The following NLRC3 variants were observed in gnomAD, a reference collection of about 807,000 sequenced individuals.
NLRC3 encodes the protein NLR family CARD domain containing 3.
NLRC3 carries 87 observed loss-of-function variants against 91.6 expected under a neutral mutation model. The observed-to-expected ratio is 0.95, with a 90% CI of 0.80 to 1.14. The LOEUF (loss-of-function observed/expected upper bound fraction) is 1.14, where lower values mean the gene tolerates loss of function less well. Ranked by LOEUF, NLRC3 falls within the 50% of genes most tolerant of loss-of-function variation. The probability of loss-of-function intolerance (pLI) is 0.00; values close to 1 mark genes in which losing one functional copy is unlikely to be tolerated. For missense variants in NLRC3, 1,577 were observed against 1,418.6 expected, an observed-to-expected ratio of 1.11 and a Z score of -1.79; for synonymous variants, 694 against 625.3, an observed-to-expected ratio of 1.11 and a Z score of -1.64.
chr16:3,556,741 G>A (rs915734091), intron 8 of NLRC3, among the ~76,000 whole-genome samples, 170 bp downstream of exon 8: 2 of 152,074 alleles, frequency 1.3e-5, no homozygotes, highest in Non-Finnish European at 2.9e-5. Context: ...GACCTCAAGC[G>A]ATCCACCTGT....
chr16:3,558,065 C>T (rs1567138056), intron 6 of NLRC3, among the ~76,000 whole-genome samples: 1 of 152,170 alleles, frequency 6.6e-6, no homozygotes, highest in Non-Finnish European at 1.5e-5. Context: ...CTGGGCTGTG[C>T]GTGGTGGCTC....
In NLRC3 at chr16:3,563,322, G is replaced by A. The variant is rs1243035522; in HGVS notation, c.1615C>T (p.His539Tyr). 6.3e-7 allele frequency: 1 copy of A among 1,596,644 alleles called. No homozygotes were observed. Among genetic ancestry groups the A allele is most frequent in the Non-Finnish European group, 8.5e-7 (1 of 1,172,850 alleles). Residue 539 changes from histidine to tyrosine, a missense_variant, in exon 5 of 20, where the codon CAC becomes TAC. His to Tyr is a moderately conservative substitution (Grantham distance 83, BLOSUM62 2). Transcript: ENST00000359128. ...LAGSLLAQGE[H>Y]QAYRTQVAEL... is the part of the protein sequence containing the mutation. ...GCCACCTGGGTCCGGTAGGCCTGGT[G>A]CTCGCCTTGGGCCAGCAGGGAGCCG...
At chr16:3,570,128 G>A (rs184612670) in intron 1 of NLRC3, among the ~76,000 whole-genome samples, 33 of 152,068 alleles carry the variant, frequency 2.2e-4, no homozygotes, top group African/African-American at 5.1e-4. Flanking sequence ...ACACCAGTGC[G>A]TGTGCTGTAT....
chr16:3,543,985 C>T (rs1338161428), intron 16 of NLRC3: 2 of 448,938 alleles, frequency 4.5e-6, no homozygotes, highest in South Asian at 2.8e-5. Flanking sequence ...GAAACCCCGT[C>T]TCTACTAAAA....
Position 3,542,706 on chromosome 16 carries a change from A to G in NLRC3, c.3009T>C (p.Ser1003=). The stretch of plus-strand genomic sequence containing the variant: ...CAGCCACTTACTTGAGTCTCCGGAG[A>G]CTTGAGTTTACCTTCAGAGCATTTG... The part of the protein sequence containing the change: ...ALANALKVNS[S]LRRLNLQENS... The change falls in exon 18 of 20, where the codon AGT becomes AGC. Residue 1003 remains serine, a synonymous_variant. Coordinates refer to ENST00000359128, the MANE Select transcript of NLRC3 (RefSeq NM_178844.4). The G allele has an allele frequency of 6.2e-7, 1 of 1,609,172 alleles. No homozygotes were observed. The highest frequency in any genetic ancestry group is 8.5e-7 in the Non-Finnish European group (1 of 1,177,260).
rs1340056338 is a variant in NLRC3 at position 3,563,110 on chromosome 16, C to T, written c.1827G>A (p.Gln609=). The T allele has an allele frequency of 6.3e-7, 1 of 1,579,314 alleles. No homozygotes were observed. The highest frequency in any genetic ancestry group is 1.8e-5 in the Admixed American group (1 of 55,774). The stretch of plus-strand genomic sequence containing the variant: ...CCTCCTGGGCACAGGCGTCGGACAC[C>T]TGCAGGAGGTAGGCCAGGGCAGCGC... The part of the protein sequence containing the change: ...AHRAALAYLL[Q]VSDACAQEAN... Residue 609 remains glutamine (Q), a synonymous_variant, in exon 5 of 20, where the codon CAG becomes CAA. Transcript: ENST00000359128.
Position 3,567,883 on chromosome 16 carries a change from T to C in NLRC3, c.-168-559A>G, listed in dbSNP as rs187092041. Among the ~76,000 whole-genome samples the C allele has an allele frequency of 4.4e-3, 673 of 151,756 alleles. 6 individuals carry two copies. The highest frequency in any genetic ancestry group is 0.015 in the African/African-American group (639 of 41,414). On this transcript the variant is annotated intron_variant, in intron 1 of 19. Coordinates refer to ENST00000359128, the MANE Select transcript of NLRC3 (RefSeq NM_178844.4). ...AGCTTTTTCTTTCTTTCTTTTTTTT[T>C]TGAGACGGAGTCTGCTGTGTTGCCC...
At chr16:3,542,852 G>A (rs1000024548) in intron 17 of NLRC3, 77 bp from the exon 18 acceptor site, 26 of 962,414 alleles carry the variant, frequency 2.7e-5, no homozygotes, top group East Asian at 2.1e-4. Context: ...GGTGGGCTTG[G>A]GGCTGCTTGG....
At chr16:3,542,836 TC>T in intron 17 of NLRC3, 61 bp from the exon 18 acceptor site, 3 of 1,192,152 alleles carry the variant, frequency 2.5e-6, no homozygotes, top group Non-Finnish European at 3.7e-6. Flanking sequence ...TACTGACCCC[TC>T]TGCGGGTGGG....
chr16:3,547,972 A>G (rs1433393300), intron 15 of NLRC3, among the ~76,000 whole-genome samples, 163 bp downstream of exon 15: 1 of 152,224 alleles, frequency 6.6e-6, no homozygotes, highest in Non-Finnish European at 1.5e-5. Flanking sequence ...CACCCGGCCA[A>G]TATATTTAAA....
chr16:3,569,176 T>C (rs906958680), intron 1 of NLRC3, among the ~76,000 whole-genome samples: 3 of 151,708 alleles, frequency 2.0e-5, no homozygotes, highest in African/African-American at 7.3e-5. Context: ...TAGCTGGGTG[T>C]GATGGCGTGT....
rs1390461221 is a variant in NLRC3, at chr16:3,550,396, C to G, written c.2435+18G>C. On this transcript the variant is annotated intron_variant, in intron 11 of 19. Coordinates refer to ENST00000359128, the MANE Select transcript of NLRC3 (RefSeq NM_178844.4). Reference sequence around the variant, plus strand: ...AAGAGAACCCAGGGGGAATCGTCACCCTGGCAGGTGGACTCACTCCAGGCT... The same window carrying G: ...AAGAGAACCCAGGGGGAATCGTCACGCTGGCAGGTGGACTCACTCCAGGCT... 6.4e-7 allele frequency: 1 copy of G among 1,574,612 alleles called. No individual in the cohort carries two copies. The highest frequency in any genetic ancestry group is 1.1e-5 in the South Asian group (1 of 90,322).
chr16:3,565,255 G>A (rs766655110), intron 3 of NLRC3, 64 bp downstream of exon 3: 55 of 694,116 alleles, frequency 7.9e-5, no homozygotes, highest in African/African-American at 7.2e-4. Context: ...ATGATCACAC[G>A]AATGCAGGGG....
At position 3,564,619 on chromosome 16, in the gene NLRC3, G is replaced by A. The variant is rs1421291029; in HGVS notation, c.318C>T (p.Phe106=). The stretch of plus-strand genomic sequence containing the variant: ...CCCCGCGGGTGGCCTCCACCTGTGT[G>A]AAGTCGTGTTCCCTCAGCTGCAGGT... ...LTDLQLREHD[F]TQVEATRGGG... Residue 106 remains phenylalanine, a synonymous_variant, in exon 5 of 20, where the codon TTC becomes TTT. Coordinates refer to ENST00000359128, the MANE Select transcript of NLRC3 (RefSeq NM_178844.4). This position sits in a 1 kb window ranked among gnomAD's most constrained non-coding sequence, Gnocchi z 5.9. The A allele has an allele frequency of 6.2e-7, 1 of 1,609,710 alleles. No individual in the cohort carries two copies. The highest frequency in any genetic ancestry group is 2.2e-5 in the East Asian group (1 of 44,890).
chr16:3,546,530 C>G (rs1481066460), intron 15 of NLRC3, among the ~76,000 whole-genome samples: 1 of 152,166 alleles, frequency 6.6e-6, no homozygotes, highest in African/African-American at 2.4e-5. Context: ...GCACTCCAGC[C>G]TGGGCAACAG....
chr16:3,548,297 G>T, intron 14 of NLRC3, 79 bp from the exon 15 acceptor site: 2 of 1,111,714 alleles, frequency 1.8e-6, no homozygotes, highest in Non-Finnish European at 2.6e-6. Context: ...GGCTCTGATG[G>T]CAGGAGGTGG....
In NLRC3 at chr16:3,550,088, G is replaced by A. The variant is rs183956769; in HGVS notation, c.2436-308C>T. Among the ~76,000 whole-genome samples the A allele has an allele frequency of 4.6e-5, 7 of 152,284 alleles. No homozygotes were observed. The East Asian group carries it at 5.8e-4, about 13-fold the overall frequency. The stretch of plus-strand genomic sequence containing the variant: ...GTCTGCAGCCCCCAGAGGGAGTGGC[G>A]CAGCAGGCTCCCCAAGTGTGGGTGT... On this transcript the variant is annotated intron_variant, in intron 11 of 19. Coordinates refer to ENST00000359128, the MANE Select transcript of NLRC3 (RefSeq NM_178844.4).
chr16:3,549,084 G>A lies in NLRC3; in HGVS notation c.2603+58C>T, dbSNP rs952915616. ...CGAGGGTGCCCGTCAGCCCAGGCTC[G>A]GTGTGGGTGTGGTCATGGCATGAAC... On this transcript the variant is annotated intron_variant, in intron 13 of 19. Coordinates refer to ENST00000359128, the MANE Select transcript of NLRC3 (RefSeq NM_178844.4). 78 of 1,310,102 alleles carry A rather than the reference G, an allele frequency of 6.0e-5. 1 individual carries two copies. Among genetic ancestry groups the A allele is most frequent in the Middle Eastern group, 5.7e-4 (3 of 5,286 alleles). 81.2% of individuals were successfully genotyped at this position (1,310,102 alleles called of 1,614,324 possible). A position where few individuals can be genotyped will look rare whatever the true frequency, so the allele number is the denominator to read the frequency against.
intron 15 of NLRC3, among the ~76,000 whole-genome samples, chr16:3,546,050 G>A (rs1291254127): frequency 6.6e-6 from 1 of 152,124 alleles, no homozygotes; most frequent in African/African-American, 2.4e-5. Context: ...AGGGAATCGA[G>A]TGGATGGCAG....
Sources: gnomAD v4.1 joint callset for allele counts (sites outside exome capture counted in the v4.1 genomes callset) on GRCh38, gnomAD v4.1.1 for gene constraint, Gnocchi (gnomAD v3.1) non-coding constraint, MANE v1.5 for transcripts, NCBI Gene and HGNC (gene_info 2026-07-23, HGNC 2026-07-21) for gene names.